FAM199X: variants seen among roughly 807,000 people sequenced by gnomAD.
FAM199X encodes the protein protein FAM199X.
FAM199X carries 4 observed loss-of-function variants against 22.9 expected under a neutral mutation model. That is an observed-to-expected ratio of 0.17 (90% CI 0.09 to 0.40). The LOEUF (loss-of-function observed/expected upper bound fraction) is 0.40. Ranked by LOEUF, FAM199X falls within the 10% of genes least tolerant of loss-of-function variation. The pLI is 1.00. For synonymous variants in FAM199X, 101 were observed against 112.3 expected (o/e 0.90, Z 0.64); for missense variants, 183 against 306.8 (o/e 0.60, Z 3.01).
chrX:104,166,258 G>C (rs1921176277), upstream of FAM199X, among the ~76,000 whole-genome samples: 1 of 113,215 alleles, frequency 8.8e-6, no homozygotes, highest in Admixed American at 9.2e-5. Context: ...GAGTGAGAAA[G>C]CGGAGGAGGA....
At chrX:104,163,824 C>T (rs890962337), upstream of FAM199X, among the ~76,000 whole-genome samples, 2 of 108,906 alleles carry the variant, frequency 1.8e-5, no homozygotes, top group Non-Finnish European at 3.8e-5. Context: ...TGCACCACCA[C>T]GCCCAGCTAA....
chrX:104,160,345 A>G, the FAM199X span, among the ~76,000 whole-genome samples: 1 of 113,072 alleles, frequency 8.8e-6, no homozygotes, highest in Non-Finnish European at 1.9e-5. Context: ...AAATGAAGAT[A>G]TATCTGTTTG....
rs140348929 is a variant in FAM199X, at chrX:104,189,718, G to A, written c.1107G>A (p.Glu369=). 1,121 of 1,210,097 alleles carry A rather than the reference G, an allele frequency of 9.3e-4. 9 individuals are homozygous for A. In the African/African-American group the frequency reaches 0.017, roughly 19 times the overall value. ...ERLSGLFLNE[E]VLSLKVTEED... ...TCAGTGGGCTCTTCCTTAACGAAGA[G>A]GTGCTGTCCTTGAAAGTGACTGAGG... The change falls in exon 6 of 6, where the codon GAG becomes GAA. Residue 369 remains glutamate, a synonymous_variant. Coordinates refer to ENST00000493442, the MANE Select transcript of FAM199X (RefSeq NM_207318.4).
rs1569466277 is a variant in FAM199X at position 104,166,708 on chromosome X, A to T, written c.-78A>T. The T allele has an allele frequency of 1.1e-6, 1 of 926,390 alleles. No individual in the cohort carries two copies. The highest frequency in any genetic ancestry group is 2.0e-5 in the African/African-American group (1 of 48,816). 76.3% of individuals were successfully genotyped at this position (926,390 alleles called of 1,213,427 possible). A position where few individuals can be genotyped will look rare whatever the true frequency, so the allele number is the denominator to read the frequency against. On this transcript the variant is annotated 5_prime_UTR_variant, in exon 1 of 6. Transcript: ENST00000493442. ...CCCCGGAGCGTCGGCGACTGCGGACAGGTTAGAGTGGGGGCAGGGGCGGGC... is the reference window on the plus strand; with the variant it reads ...CCCCGGAGCGTCGGCGACTGCGGACTGGTTAGAGTGGGGGCAGGGGCGGGC...
intron 5 of FAM199X, among the ~76,000 whole-genome samples, chrX:104,189,023 G>T (rs185651471): frequency 1.6e-3 from 182 of 111,891 alleles, no homozygotes; most frequent in Admixed American, 2.4e-3. Context: ...AGCCAGTTTT[G>T]TTGCTAAGGA....
At chrX:104,186,789 A>G (rs1160890325) in intron 4 of FAM199X, among the ~76,000 whole-genome samples, 168 bp downstream of exon 4, 2 of 112,164 alleles carry the variant, frequency 1.8e-5, no homozygotes, top group Non-Finnish European at 3.8e-5. Context: ...GGTTTTATGT[A>G]CATCTCACCT....
the FAM199X span, among the ~76,000 whole-genome samples, chrX:104,157,311 G>T: frequency 9.0e-6 from 1 of 111,555 alleles, no homozygotes; most frequent in Non-Finnish European, 1.9e-5. Context: ...CCCAAACTCC[G>T]AATTTGCAGT....
intron 1 of FAM199X, among the ~76,000 whole-genome samples, chrX:104,171,578 A>G (rs1921354268): frequency 8.9e-6 from 1 of 112,156 alleles, no homozygotes; most frequent in Admixed American, 9.4e-5. Flanking sequence ...GAGGGCATAT[A>G]AAAAACTATA....
At chrX:104,169,396 C>T (rs1921296101) in intron 1 of FAM199X, among the ~76,000 whole-genome samples, 1 of 111,621 alleles carries the variant, frequency 9.0e-6, no homozygotes, top group Non-Finnish European at 1.9e-5. Context: ...CTTCTTGGTA[C>T]CTGATAAGAA....
the FAM199X span, among the ~76,000 whole-genome samples, chrX:104,161,107 T>C: frequency 8.9e-6 from 1 of 111,850 alleles, no homozygotes; most frequent in Non-Finnish European, 1.9e-5. Flanking sequence ...TAGCAAAATA[T>C]ATGATCATCT....
chrX:104,175,364 C>T (rs1195330719), intron 1 of FAM199X, among the ~76,000 whole-genome samples: 5 of 111,604 alleles, frequency 4.5e-5, no homozygotes, highest in Non-Finnish European at 9.4e-5. Context: ...CACCCAGCTT[C>T]AACATTTATT....
chrX:104,168,878 C>CTT (rs56399350), intron 1 of FAM199X, among the ~76,000 whole-genome samples: 2 of 83,333 alleles, frequency 2.4e-5, no homozygotes, highest in Non-Finnish European at 4.6e-5. Flanking sequence ...TTACTGCTTG[C>CTT]TTTTTTTTTT....
At chrX:104,177,624 A>G (rs1003257684) in intron 2 of FAM199X, among the ~76,000 whole-genome samples, 6 of 111,600 alleles carry the variant, frequency 5.4e-5, no homozygotes, top group Non-Finnish European at 1.1e-4. Flanking sequence ...CCTTGTCCAC[A>G]CTTGGCGTTG....
At chrX:104,182,114 G>A (rs1556378023) in intron 2 of FAM199X, among the ~76,000 whole-genome samples, 3 of 106,199 alleles carry the variant, frequency 2.8e-5, no homozygotes, top group Admixed American at 2.0e-4. Flanking sequence ...TCAGCCTCCC[G>A]AATAGCTTGG....
chrX:104,161,577 T>C (rs28547541), upstream of FAM199X, among the ~76,000 whole-genome samples: 5,202 of 111,559 alleles, frequency 0.047, 267 homozygotes, highest in African/African-American at 0.16. Context: ...AGGCTGGGCG[T>C]GGTGGCTCAC....
At chrX:104,158,875 C>G in the FAM199X span, among the ~76,000 whole-genome samples, 1 of 111,822 alleles carries the variant, frequency 8.9e-6, no homozygotes, top group Non-Finnish European at 1.9e-5. Flanking sequence ...GACCTTCTTT[C>G]TCATTTGGCA....
At chrX:104,184,788 AT>A (rs1437243429) in intron 2 of FAM199X, among the ~76,000 whole-genome samples, 3 of 109,448 alleles carry the variant, frequency 2.7e-5, no homozygotes, top group Non-Finnish European at 5.7e-5. Context: ...TTTATTATTT[AT>A]TTATTTTTTG....
intron 2 of FAM199X, among the ~76,000 whole-genome samples, chrX:104,177,428 C>A (rs966120066): frequency 2.7e-5 from 3 of 112,015 alleles, no homozygotes; most frequent in African/African-American, 9.7e-5. Flanking sequence ...TGTGAACATT[C>A]AGGTTCAAGT....
At chrX:104,189,561 A>G in intron 5 of FAM199X, 47 bp from the exon 6 acceptor site, 1 of 1,181,777 alleles carries the variant, frequency 8.5e-7, no homozygotes, top group Non-Finnish European at 1.2e-6. Context: ...TGGGGTGGAT[A>G]TGCCAAAAAC....
Sources: allele counts gnomAD v4.1 joint callset (sites outside exome capture counted in the v4.1 genomes callset), GRCh38; gene constraint gnomAD v4.1.1; transcripts MANE v1.5; gene names NCBI Gene and HGNC (gene_info 2026-07-23, HGNC 2026-07-21).